PLXNC1: variants seen among roughly 807,000 people sequenced by gnomAD.
PLXNC1 encodes plexin-C1.
PLXNC1 carries 75 observed loss-of-function variants against 178.2 expected under a neutral mutation model. The ratio of observed to expected loss-of-function variants is 0.42; its 90% confidence interval spans 0.35 to 0.51. The LOEUF (loss-of-function observed/expected upper bound fraction) is 0.51, where lower values mean the gene tolerates loss of function less well. Among genes scored for constraint, PLXNC1 ranks in the 20% least tolerant of loss-of-function variants. The pLI is 0.02. For synonymous variants in PLXNC1, 790 were observed against 779.9 expected (o/e 1.01, Z -0.22); for missense variants, 1,503 against 1,984.4 (o/e 0.76, Z 4.61).
At chr12:94,258,550 AT>A (rs1393134379) in intron 17 of PLXNC1, among the ~76,000 whole-genome samples, 17 of 152,336 alleles carry the variant, frequency 1.1e-4, no homozygotes, top group African/African-American at 4.1e-4. Context: ...TTAACCATTG[AT>A]TTTTAATAAG....
rs1469096704 is a variant in PLXNC1, at chr12:94,224,212, C to G, written c.1703-16C>G. On this transcript the variant is annotated splice_polypyrimidine_tract_variant and intron_variant, in intron 6 of 30. Coordinates refer to ENST00000258526, the MANE Select transcript of PLXNC1 (RefSeq NM_005761.3). ...AGGACTCCACCGTAAATGACATTTT[C>G]CCCCCTTCCCTCCAGATGTTTCAGT... 1 of 1,465,290 alleles carries G rather than the reference C, an allele frequency of 6.8e-7. No individual in the cohort carries two copies. The highest frequency in any genetic ancestry group is 1.4e-5 in the African/African-American group (1 of 71,938). The allele number at this position is 1,465,290 out of a possible 1,614,324, so 90.8% of individuals were successfully genotyped here.
In PLXNC1 at chr12:94,293,830, A is replaced by G. The variant is rs539898270; in HGVS notation, c.3880-656A>G. On this transcript the variant is annotated intron_variant, in intron 23 of 30. Coordinates refer to ENST00000258526, the MANE Select transcript of PLXNC1 (RefSeq NM_005761.3). Reference sequence around the variant, plus strand: ...ACAGAGGGATCTCCCTATGTTGCCCAGGCTGGTCTCAAAACTCCTGGACTC... The same window carrying G: ...ACAGAGGGATCTCCCTATGTTGCCCGGGCTGGTCTCAAAACTCCTGGACTC... Among the ~76,000 whole-genome samples, 623 of 152,228 alleles carry G rather than the reference A, an allele frequency of 4.1e-3. 1 individual carries two copies. The highest frequency in any genetic ancestry group is 7.3e-3 in the Non-Finnish European group (498 of 68,008).
At chr12:94,302,307 G>A (rs1968548146) in intron 28 of PLXNC1, among the ~76,000 whole-genome samples, 1 of 152,006 alleles carries the variant, frequency 6.6e-6, no homozygotes, top group Admixed American at 6.6e-5. Flanking sequence ...ACACCCCTTT[G>A]CTCATCTTTC....
chr12:94,270,735 C>A (rs1420122385), intron 21 of PLXNC1, among the ~76,000 whole-genome samples: 1 of 151,506 alleles, frequency 6.6e-6, no homozygotes, highest in Non-Finnish European at 1.5e-5. Flanking sequence ...GTGAGAGAAA[C>A]CTAAATTTGA....
intron 15 of PLXNC1, among the ~76,000 whole-genome samples, chr12:94,252,012 A>G (rs964834605): frequency 6.7e-6 from 1 of 148,324 alleles, no homozygotes; most frequent in Non-Finnish European, 1.5e-5. Context: ...CAAACAAAAA[A>G]CAAAATTTTT....
intron 4 of PLXNC1, among the ~76,000 whole-genome samples, chr12:94,191,676 C>T (rs143228003): frequency 0.01 from 1,519 of 151,204 alleles, 29 homozygotes; most frequent in African/African-American, 0.035. Context: ...CCCAGCAACA[C>T]GGGAGGCTGA....
intron 21 of PLXNC1, among the ~76,000 whole-genome samples, chr12:94,266,932 C>T (rs922702578): frequency 6.6e-6 from 1 of 152,222 alleles, no homozygotes; most frequent in African/African-American, 2.4e-5. Flanking sequence ...GAATCAGAAT[C>T]TCTGGGGAGG....
intron 4 of PLXNC1, among the ~76,000 whole-genome samples, chr12:94,193,675 T>C (rs1455111822): frequency 2.0e-5 from 3 of 152,192 alleles, no homozygotes; most frequent in Non-Finnish European, 4.4e-5. Context: ...GTGGGAGGGC[T>C]TCTGAGAGAC....
At chr12:94,159,522 A>G (rs188978633) in intron 1 of PLXNC1, among the ~76,000 whole-genome samples, 3 of 151,444 alleles carry the variant, frequency 2.0e-5, no homozygotes, top group African/African-American at 4.9e-5. Flanking sequence ...AAGATGGAAC[A>G]TCCTGGTCTT....
intron 20 of PLXNC1, among the ~76,000 whole-genome samples, chr12:94,263,110 G>C (rs532745946): frequency 7.2e-5 from 11 of 152,114 alleles, no homozygotes; most frequent in African/African-American, 2.7e-4. Context: ...GCTGTGGCTC[G>C]CCTAAAAGTT....
rs183249511 is a variant in PLXNC1, at chr12:94,163,527, G to A, written c.1063-5626G>A. Among the ~76,000 whole-genome samples the A allele has an allele frequency of 1.8e-3, 270 of 152,236 alleles. 3 individuals carry two copies. The highest frequency in any genetic ancestry group is 0.015 in the Admixed American group (234 of 15,288). On this transcript the variant is annotated intron_variant, in intron 1 of 30. Coordinates refer to ENST00000258526, the MANE Select transcript of PLXNC1 (RefSeq NM_005761.3). ...TGGGGGTGGGGAAGGGACATAAAGC[G>A]GGAAGAAGGAAGGATGAATCTTGGA...
At chr12:94,283,483 TC>T (rs1169609910) in intron 23 of PLXNC1, among the ~76,000 whole-genome samples, 9 of 152,302 alleles carry the variant, frequency 5.9e-5, no homozygotes, top group African/African-American at 2.2e-4. Flanking sequence ...AGGTTCACCT[TC>T]CCCATTGCCT....
intron 3 of PLXNC1, among the ~76,000 whole-genome samples, chr12:94,184,966 G>C (rs2135965141): frequency 6.6e-6 from 1 of 152,278 alleles, no homozygotes; most frequent in South Asian, 2.1e-4. Context: ...GGATCATGGA[G>C]CCCTTTTCTT....
At chr12:94,177,200 C>CGT (rs1491491920) in intron 2 of PLXNC1, among the ~76,000 whole-genome samples, 1 of 11,866 alleles carries the variant, frequency 8.4e-5, no homozygotes, top group South Asian at 1.8e-3. Context: ...TATATATATA[C>CGT]GTATATATAT....
At chr12:94,212,722 CTT>C (rs538048142) in intron 5 of PLXNC1, among the ~76,000 whole-genome samples, 15 of 136,124 alleles carry the variant, frequency 1.1e-4, no homozygotes, top group Non-Finnish European at 7.9e-5. Flanking sequence ...CTTTTCTTTT[CTT>C]TTTTTTTTTT....
chr12:94,292,250 T>C (rs1354858793), intron 23 of PLXNC1, among the ~76,000 whole-genome samples: 8 of 152,142 alleles, frequency 5.3e-5, no homozygotes, highest in Non-Finnish European at 1.0e-4. Flanking sequence ...AATTCATAAA[T>C]GGTGATGGAA....
intron 11 of PLXNC1, among the ~76,000 whole-genome samples, chr12:94,243,681 C>A (rs1196598306): frequency 6.6e-6 from 1 of 152,172 alleles, no homozygotes; most frequent in Non-Finnish European, 1.5e-5. Context: ...ATCAAAGAAT[C>A]TGGGCATTTT....
chr12:94,185,249 T>C (rs3847810), intron 3 of PLXNC1, among the ~76,000 whole-genome samples: 29,592 of 152,150 alleles, frequency 0.19, 2,926 homozygotes, highest in East Asian at 0.29. Context: ...GTGGTTATCC[T>C]CCATGAAGTC....
At chr12:94,302,618 C>T (rs558490208) in intron 28 of PLXNC1, among the ~76,000 whole-genome samples, 4 of 152,244 alleles carry the variant, frequency 2.6e-5, no homozygotes, top group African/African-American at 9.6e-5. Flanking sequence ...TCACAAGTAC[C>T]AAATAAGGTA....
Sources: allele counts gnomAD v4.1 joint callset (sites outside exome capture counted in the v4.1 genomes callset), GRCh38; gene constraint gnomAD v4.1.1; transcripts MANE v1.5; gene names NCBI Gene and HGNC (gene_info 2026-07-23, HGNC 2026-07-21).